Variants in KANSL3 observed in about 807,000 individuals in gnomAD.
The protein encoded by KANSL3 is NSL complex protein NSL3.
A neutral mutation model predicts 89.2 loss-of-function variants in KANSL3; 16 were observed. That is an observed-to-expected ratio of 0.18 (90% confidence interval 0.12 to 0.27). KANSL3 has a LOEUF of 0.27. Among genes scored for constraint, KANSL3 ranks in the 10% least tolerant of loss-of-function variants. The probability of loss-of-function intolerance (pLI) is 1.00; values close to 1 mark genes in which losing one functional copy is unlikely to be tolerated. For missense variants in KANSL3, 879 were observed against 1,110.6 expected (o/e 0.79, Z 2.96); for synonymous variants, 385 against 419.7 (o/e 0.92, Z 1.01).
At chr2:96,605,537 C>A in intron 14 of KANSL3, 26 bp from the exon 15 acceptor site, 1 of 1,588,218 alleles carries the variant, frequency 6.3e-7, no homozygotes, top group South Asian at 1.1e-5. Flanking sequence ...GAGTTGAGAT[C>A]CTCCACAATC....
chr2:96,603,857 C>G (rs2067551302), intron 17 of KANSL3: 1 of 157,332 alleles, frequency 6.4e-6, no homozygotes, highest in Admixed American at 6.5e-5. Flanking sequence ...ATATAGAATT[C>G]CAACGGTATG....
intron 2 of KANSL3, among the ~76,000 whole-genome samples, chr2:96,632,233 G>A (rs533687244): frequency 6.6e-6 from 1 of 152,238 alleles, no homozygotes; most frequent in East Asian, 1.9e-4. Context: ...TACTTTGGAA[G>A]GCTGAAGGAG....
At chr2:96,631,515 C>G (rs780444097) in intron 2 of KANSL3, 33 bp from the exon 3 acceptor site, 1 of 1,552,376 alleles carries the variant, frequency 6.4e-7, no homozygotes, top group South Asian at 1.2e-5. Context: ...GACCGGGCCA[C>G]ACATACTTCA....
intron 2 of KANSL3, among the ~76,000 whole-genome samples, chr2:96,634,416 T>A (rs1020823952): frequency 6.6e-6 from 1 of 151,674 alleles, no homozygotes; most frequent in East Asian, 1.9e-4. Flanking sequence ...CTTGGGAGGC[T>A]GAGGCAGGAG....
At position 96,612,936 on chromosome 2, in the gene KANSL3, T is replaced by A; in HGVS notation, c.796-2A>T. 6.4e-7 allele frequency: 1 copy of A among 1,551,942 alleles called. No individual in the cohort carries two copies. The highest frequency in any genetic ancestry group is 1.2e-5 in the South Asian group (1 of 84,146). The stretch of plus-strand genomic sequence containing the variant: ...CAGCGGAGAGCCAGGGAGTTTGCTC[T>A]AAAGAGGAAGAATCCCACCCAAAAA... On this transcript the variant is annotated splice_acceptor_variant, in intron 6 of 20. Transcript: ENST00000431828. LOFTEE classifies it high-confidence loss of function.
intron 2 of KANSL3, among the ~76,000 whole-genome samples, chr2:96,635,023 T>A (rs1292072376): frequency 6.6e-6 from 1 of 152,148 alleles, no homozygotes. Context: ...CATCTCAAAG[T>A]CATCTATATT....
intron 20 of KANSL3, chr2:96,598,241 T>G: frequency 1.8e-6 from 1 of 546,324 alleles, no homozygotes; most frequent in Non-Finnish European, 2.3e-6. Flanking sequence ...ATAAAACTGT[T>G]TTAGAGTATG....
chr2:96,612,449 C>T lies in KANSL3; in HGVS notation c.1014+13G>A, dbSNP rs1343758170. The T allele has an allele frequency of 8.7e-6, 14 of 1,609,416 alleles. No individual in the cohort carries two copies. Among genetic ancestry groups the T allele is most frequent in the Non-Finnish European group, 1.2e-5 (14 of 1,175,916 alleles). The stretch of plus-strand genomic sequence containing the variant: ...GGGTATGCCACAATGTACTGAAATA[C>T]GGGCATTCTCACCTCCAGCACTTTG... On this transcript the variant is annotated intron_variant, in intron 8 of 20. Transcript: ENST00000431828.
chr2:96,624,380 C>T (rs952491631), intron 3 of KANSL3, among the ~76,000 whole-genome samples: 5 of 152,158 alleles, frequency 3.3e-5, no homozygotes, highest in Admixed American at 6.5e-5. Flanking sequence ...GTTAATACAC[C>T]TCTTTGTTTT....
Position 96,595,671 on chromosome 2 carries a change from A to C in KANSL3, c.2617-40T>G, listed in dbSNP as rs373514163. 24 of 1,611,432 alleles carry C rather than the reference A, an allele frequency of 1.5e-5. No individual in the cohort carries two copies. In the East Asian group the frequency reaches 2.5e-4, roughly 16 times the overall value. On this transcript the variant is annotated intron_variant, in intron 20 of 20. Coordinates refer to ENST00000431828, the MANE Select transcript of KANSL3 (RefSeq NM_001115016.3). ...GTAGTGAAGAAGGGTCAAAGCTTTG[A>C]CAGGTTATCATCATATTCAGACCCT...
At chr2:96,622,845 T>C (rs754176114) in intron 3 of KANSL3, among the ~76,000 whole-genome samples, 2 of 152,208 alleles carry the variant, frequency 1.3e-5, no homozygotes, top group Non-Finnish European at 2.9e-5. Flanking sequence ...CTGCCCTTCA[T>C]TACGCCAACC....
intron 2 of KANSL3, among the ~76,000 whole-genome samples, chr2:96,632,097 G>A (rs147952346): frequency 7.0e-4 from 107 of 152,136 alleles, no homozygotes; most frequent in African/African-American, 2.4e-3. Context: ...ATTCACACCT[G>A]TAATCCCAGC....
intron 3 of KANSL3, among the ~76,000 whole-genome samples, chr2:96,624,533 CTTG>C (rs973688052): frequency 7.9e-5 from 12 of 152,160 alleles, no homozygotes; most frequent in Admixed American, 6.5e-4. Context: ...ATTAATTCTT[CTTG>C]TTGTTGAGAC....
downstream of KANSL3, among the ~76,000 whole-genome samples, chr2:96,590,708 G>C (rs2066265241): frequency 1.3e-5 from 2 of 150,660 alleles, no homozygotes; most frequent in South Asian, 2.2e-4. Flanking sequence ...AATTGGCTGG[G>C]CACAGTGGCT....
At chr2:96,620,872 C>T (rs1209051016) in intron 3 of KANSL3, among the ~76,000 whole-genome samples, 1 of 151,852 alleles carries the variant, frequency 6.6e-6, no homozygotes, top group African/African-American at 2.4e-5. Flanking sequence ...CATGGTGGTG[C>T]GTGCCTGTAG....
intron 3 of KANSL3, among the ~76,000 whole-genome samples, chr2:96,626,670 T>TA (rs1371166224): frequency 6.6e-6 from 1 of 152,166 alleles, no homozygotes; most frequent in African/African-American, 2.4e-5. Context: ...GCTATGCAAC[T>TA]AATGAAACTT....
At chr2:96,584,137 C>T in the KANSL3 span, among the ~76,000 whole-genome samples, 1 of 152,118 alleles carries the variant, frequency 6.6e-6, no homozygotes, top group Admixed American at 6.6e-5. Flanking sequence ...AACATTTTAT[C>T]TGAGTCTGTG....
Position 96,595,400 on chromosome 2 carries a change from T to C in KANSL3, c.*211A>G, listed in dbSNP as rs2066446604. On this transcript the variant is annotated 3_prime_UTR_variant, in exon 21 of 21. Coordinates refer to ENST00000431828, the MANE Select transcript of KANSL3 (RefSeq NM_001115016.3). ...AGTCTGGGGTTCCCAGGAACCAGAT[T>C]TGCAGATCCTGGACGATGGTGCTTC... The C allele has an allele frequency of 1.9e-6, 1 of 533,956 alleles. No homozygotes were observed. Among genetic ancestry groups the C allele is most frequent in the Non-Finnish European group, 3.4e-6 (1 of 297,222 alleles). 33.1% of individuals were successfully genotyped at this position (533,956 alleles called of 1,614,324 possible). A position where few individuals can be genotyped will look rare whatever the true frequency, so the allele number is the denominator to read the frequency against.
At chr2:96,630,910 T>A (rs1196226014) in intron 3 of KANSL3, among the ~76,000 whole-genome samples, 1 of 152,254 alleles carries the variant, frequency 6.6e-6, no homozygotes, top group African/African-American at 2.4e-5. Flanking sequence ...ACAACTTCCA[T>A]CATCCTAGTT....
Sources: allele counts gnomAD v4.1 joint callset (sites outside exome capture counted in the v4.1 genomes callset), GRCh38; gene constraint gnomAD v4.1.1; transcripts MANE v1.5; gene names NCBI Gene and HGNC (gene_info 2026-07-23, HGNC 2026-07-21).